The following CYREN variants were observed in gnomAD, a reference collection of about 807,000 sequenced individuals.
The protein encoded by CYREN is cell cycle regulator of NHEJ, also known as cell cycle regulator of non-homologous end joining.
CYREN carries 7 observed loss-of-function variants against 9.7 expected under a neutral mutation model. The ratio of observed to expected loss-of-function variants is 0.72; its 90% CI spans 0.41 to 1.36. CYREN has a LOEUF of 1.36. Ranked by LOEUF, CYREN falls within the 40% of genes most tolerant of loss-of-function variation. The pLI is 0.01. For synonymous variants in CYREN, 76 were observed against 77.9 expected, an observed-to-expected ratio of 0.98 and a Z score of 0.13; for missense variants, 215 against 198.1, an observed-to-expected ratio of 1.09 and a Z score of -0.51.
downstream of CYREN, chr7:135,165,172 C>A: frequency 1.5e-6 from 1 of 659,632 alleles, no homozygotes; most frequent in African/African-American, 1.8e-5. Flanking sequence ...GCAGCCAGGG[C>A]ACCTGTGACT....
chr7:135,169,658 G>C (rs996763275), intron 1 of CYREN: 6 of 152,146 alleles, frequency 3.9e-5, no homozygotes, highest in African/African-American at 1.4e-4. Flanking sequence ...ATCTAGTTTG[G>C]CCTCTCTTTT....
At chr7:135,108,276 T>C (rs1250121300) in intron 2 of CYREN, among the ~76,000 whole-genome samples, 1 of 152,224 alleles carries the variant, frequency 6.6e-6, no homozygotes, top group African/African-American at 2.4e-5. Flanking sequence ...CTGTTTATTA[T>C]GCTGGCTGGC....
chr7:135,167,883 G>A (rs1223922339), intron 2 of CYREN, 76 bp from the exon 3 acceptor site: 4 of 1,603,424 alleles, frequency 2.5e-6, no homozygotes, highest in Admixed American at 1.7e-5. Flanking sequence ...AGGAGAAGCA[G>A]GGCCTCTTCC....
At chr7:135,142,746 C>T (rs964140953) in intron 2 of CYREN, among the ~76,000 whole-genome samples, 7 of 151,726 alleles carry the variant, frequency 4.6e-5, no homozygotes, top group African/African-American at 1.2e-4. Context: ...AAAATAAAAA[C>T]GAAATACTTA....
chr7:135,138,714 T>C (rs1224901500), intron 2 of CYREN, among the ~76,000 whole-genome samples: 2 of 151,976 alleles, frequency 1.3e-5, no homozygotes, highest in Admixed American at 6.6e-5. Flanking sequence ...TAATACACAA[T>C]AGGTAGATTT....
downstream of CYREN, chr7:135,164,416 A>G: frequency 6.3e-7 from 1 of 1,582,294 alleles, no homozygotes; most frequent in Non-Finnish European, 8.7e-7. Flanking sequence ...ACTTCCCCGC[A>G]GGTCCCCCGG....
chr7:135,112,192 T>TA (rs1291659408), intron 2 of CYREN, among the ~76,000 whole-genome samples: 1 of 152,224 alleles, frequency 6.6e-6, no homozygotes, highest in Admixed American at 6.5e-5. Flanking sequence ...CTCCCTTGAA[T>TA]AACTGCATTA....
intron 2 of CYREN, among the ~76,000 whole-genome samples, chr7:135,150,433 G>C (rs2117422160): frequency 6.6e-6 from 1 of 152,278 alleles, no homozygotes; most frequent in South Asian, 2.1e-4. Context: ...AGCTCAATGA[G>C]AGCAGGCACC....
intron 2 of CYREN, among the ~76,000 whole-genome samples, chr7:135,105,096 G>T (rs7808312): frequency 7.0e-6 from 1 of 142,910 alleles, no homozygotes; most frequent in African/African-American, 2.6e-5. Context: ...TTGAGATGGA[G>T]TCTTGCTCTT....
chr7:135,135,098 G>C lies in CYREN; in HGVS notation n.356+33651C>G, dbSNP rs778046559. The C allele has an allele frequency of 3.2e-5, 49 of 1,551,104 alleles. No homozygotes were observed. The highest frequency in any genetic ancestry group is 4.1e-5 in the Non-Finnish European group (47 of 1,146,674). On this transcript the variant is annotated intron_variant and non_coding_transcript_variant, in intron 2 of 2. Transcript: ENST00000459937. ...TGGGAGACTGCTTCTTCAAGCTTTG[G>C]AATGGATGCAAATGTTCTAAAATAT...
At chr7:135,164,411 C>G (rs1342136968), downstream of CYREN, 2 of 1,576,278 alleles carry the variant, frequency 1.3e-6, no homozygotes, top group East Asian at 4.5e-5. Context: ...CTGTGACTTC[C>G]CCGCAGGTCC....
intron 2 of CYREN, among the ~76,000 whole-genome samples, chr7:135,121,801 G>A (rs986650089): frequency 5.3e-5 from 8 of 152,260 alleles, no homozygotes; most frequent in South Asian, 2.1e-4. Flanking sequence ...GAGCCACACA[G>A]GGCAGGAGAG....
At chr7:135,106,320 T>G (rs998507621) in intron 2 of CYREN, among the ~76,000 whole-genome samples, 4 of 152,232 alleles carry the variant, frequency 2.6e-5, no homozygotes, top group Admixed American at 6.5e-5. Context: ...TTAAGGGGAA[T>G]GCTTCCAGCT....
intron 2 of CYREN, among the ~76,000 whole-genome samples, chr7:135,108,076 C>A (rs907513259): frequency 2.0e-5 from 3 of 152,096 alleles, no homozygotes; most frequent in Non-Finnish European, 4.4e-5. Context: ...AGATTCTTCT[C>A]CATCCCTTTA....
chr7:135,152,280 C>T (rs1296905646), intron 2 of CYREN, among the ~76,000 whole-genome samples: 1 of 152,238 alleles, frequency 6.6e-6, no homozygotes, highest in African/African-American at 2.4e-5. Context: ...GTATTCCACA[C>T]TGTCTTCACT....
intron 2 of CYREN, among the ~76,000 whole-genome samples, chr7:135,104,279 GT>G (rs1824309273): frequency 6.6e-6 from 1 of 152,116 alleles, no homozygotes; most frequent in Admixed American, 6.5e-5. Context: ...GTATTCCATG[GT>G]GTATGTGTAC....
chr7:135,110,707 T>A (rs1425624238), intron 2 of CYREN, among the ~76,000 whole-genome samples: 1 of 152,212 alleles, frequency 6.6e-6, no homozygotes, highest in Non-Finnish European at 1.5e-5. Flanking sequence ...GATATTTCAG[T>A]TGAAGGTGTT....
At chr7:135,167,598 G>C (rs747857760) in intron 3 of CYREN, 134 bp downstream of exon 3, 2 of 1,486,036 alleles carry the variant, frequency 1.3e-6, no homozygotes, top group East Asian at 2.3e-5. Flanking sequence ...GCCGAGATAA[G>C]AGCAAGGGAA....
chr7:135,118,144 C>T (rs1826590292), intron 2 of CYREN, among the ~76,000 whole-genome samples: 1 of 152,134 alleles, frequency 6.6e-6, no homozygotes, highest in Non-Finnish European at 1.5e-5. Flanking sequence ...TATAATTCTT[C>T]CCCTACCCTA....
Sources: gnomAD v4.1 joint callset for allele counts (sites outside exome capture counted in the v4.1 genomes callset) on GRCh38, gnomAD v4.1.1 for gene constraint, MANE v1.5 for transcripts, NCBI Gene and HGNC (gene_info 2026-07-23, HGNC 2026-07-21) for gene names.